Variants in UACA observed in about 807,000 individuals in gnomAD.
UACA encodes the protein uveal autoantigen with coiled-coil domains and ankyrin repeats, also known as nuclear membrane binding protein.
In UACA, 112 loss-of-function variants were observed where a neutral mutation model predicts 160.5. The ratio of observed to expected loss-of-function variants is 0.70; its 90% CI spans 0.60 to 0.82. The LOEUF (loss-of-function observed/expected upper bound fraction) is 0.82, where lower values mean the gene tolerates loss of function less well. Ranked by LOEUF, UACA falls within the 40% of genes least tolerant of loss-of-function variation. The pLI is 0.00. For synonymous variants in UACA, 557 were observed against 568.4 expected, an observed-to-expected ratio of 0.98 and a Z score of 0.29; for missense variants, 1,574 against 1,614.6, an observed-to-expected ratio of 0.97 and a Z score of 0.43.
intron 1 of UACA, among the ~76,000 whole-genome samples, chr15:70,710,224 C>CA (rs1898642155): frequency 6.6e-6 from 1 of 152,062 alleles, no homozygotes; most frequent in South Asian, 2.1e-4. Context: ...CACTATATTC[C>CA]AGCCTGTCTG....
intron 11 of UACA, among the ~76,000 whole-genome samples, 164 bp from the exon 12 acceptor site, chr15:70,677,304 ATTC>A (rs1897329770): frequency 6.6e-6 from 1 of 152,216 alleles, no homozygotes; most frequent in South Asian, 2.1e-4. Context: ...GTTGTCATTC[ATTC>A]TTCTCACTAT....
rs985143527 is a variant in UACA at position 70,761,262 on chromosome 15, G to A, written c.78+2068C>T. On this transcript the variant is annotated intron_variant, in intron 1 of 18. Transcript: ENST00000322954. ...AGCAACTGTATCATCAGTGGCCTCAGGAAGTGGGGGCAGGGTGGCTGAAGC... is the reference window on the plus strand; with the variant it reads ...AGCAACTGTATCATCAGTGGCCTCAAGAAGTGGGGGCAGGGTGGCTGAAGC... Among the ~76,000 whole-genome samples the A allele has an allele frequency of 1.2e-4, 18 of 152,202 alleles. No homozygotes were observed. The South Asian group carries it at 1.5e-3, about 12-fold the overall frequency.
chr15:70,679,800 A>G, intron 9 of UACA, 124 bp from the exon 10 acceptor site: 1 of 522,644 alleles, frequency 1.9e-6, no homozygotes, highest in Non-Finnish European at 3.4e-6. Flanking sequence ...TGCACATAAC[A>G]CAAGGTGGCA....
rs1239611021 is a variant in UACA at position 70,656,544 on chromosome 15, CA to C, written c.*511del. 2 of 151,940 alleles carry C rather than the reference CA, an allele frequency of 1.3e-5. No individual in the cohort carries two copies. Among genetic ancestry groups the C allele is most frequent in the African/African-American group, 2.4e-5 (1 of 41,352 alleles). The allele number at this position is 151,940 out of a possible 1,614,324, so 9.4% of individuals were successfully genotyped here. On this transcript the variant is annotated 3_prime_UTR_variant, in exon 19 of 19. Transcript: ENST00000322954. ...AAATATCTATACCTACAAAAAAGGC[CA>C]AAGACACTAATGAAGTTACCTCAGT...
the UACA span, among the ~76,000 whole-genome samples, chr15:70,773,197 C>G: frequency 6.6e-6 from 1 of 152,130 alleles, no homozygotes; most frequent in Non-Finnish European, 1.5e-5. Flanking sequence ...ATCAACCCTA[C>G]CAAATACCAC....
chr15:70,746,408 G>C lies in UACA; in HGVS notation c.78+16922C>G, dbSNP rs148043317. ...AAAAGCTCATCATCACTGGTCATTA[G>C]AGAAATGCAAATCAAAACCACAATG... is the stretch of plus-strand genomic sequence containing the variant. On this transcript the variant is annotated intron_variant, in intron 1 of 18. Coordinates refer to ENST00000322954, the MANE Select transcript of UACA (RefSeq NM_018003.4). 4.6e-5 allele frequency among the ~76,000 whole-genome samples: 7 copies of C among 152,274 alleles called. 1 individual carries two copies. In the South Asian group the frequency reaches 8.3e-4, roughly 18 times the overall value.
chr15:70,778,195 G>A, the UACA span, among the ~76,000 whole-genome samples: 1 of 146,244 alleles, frequency 6.8e-6, no homozygotes, highest in Non-Finnish European at 1.5e-5. Flanking sequence ...AATGAGACCT[G>A]GTCTCAAAAA....
chr15:70,729,005 A>G (rs929191011), intron 1 of UACA, among the ~76,000 whole-genome samples: 4 of 152,228 alleles, frequency 2.6e-5, no homozygotes, highest in Non-Finnish European at 5.9e-5. Context: ...CACACCAATC[A>G]GAATGGCTAT....
In UACA at chr15:70,656,506, G is replaced by A. The variant is rs1419730587; in HGVS notation, c.*550C>T. On this transcript the variant is annotated 3_prime_UTR_variant, in exon 19 of 19. Transcript: ENST00000322954. ...ATTTTAAAAGGCATAAAAGTTATTA[G>A]TGTAAAAAGAAAAAATATCTATACC... 1 of 152,086 alleles carries A rather than the reference G, an allele frequency of 6.6e-6. No individual in the cohort carries two copies. The highest frequency in any genetic ancestry group is 6.5e-5 in the Admixed American group (1 of 15,276). The allele number at this position is 152,086 out of a possible 1,614,324, so 9.4% of individuals were successfully genotyped here. A position where few individuals can be genotyped will look rare whatever the true frequency, so the allele number is the denominator to read the frequency against.
intron 1 of UACA, among the ~76,000 whole-genome samples, chr15:70,700,445 C>T (rs1447363016): frequency 6.6e-6 from 1 of 151,624 alleles, no homozygotes; most frequent in African/African-American, 2.4e-5. Flanking sequence ...AACTGCTTAA[C>T]ATCTAAAAAT....
chr15:70,701,996 T>A, intron 1 of UACA: 2 of 1,586,966 alleles, frequency 1.3e-6, no homozygotes, highest in Non-Finnish European at 1.7e-6. Flanking sequence ...CAAAGCAAAC[T>A]CTCAGACAAA....
the UACA span, among the ~76,000 whole-genome samples, chr15:70,772,492 CAAAAAAAAAAAA>C: frequency 2.0e-5 from 1 of 49,520 alleles, no homozygotes; most frequent in Non-Finnish European, 4.6e-5. Flanking sequence ...GCCTCCATCT[CAAAAAAAAAAAA>C]AAAAAAAAAA....
At chr15:70,764,622 G>A (rs1012181547), upstream of UACA, among the ~76,000 whole-genome samples, 3 of 152,162 alleles carry the variant, frequency 2.0e-5, no homozygotes, top group South Asian at 2.1e-4. Flanking sequence ...TTATAGTAAC[G>A]CAAGGTTTTC....
rs145181413 is a variant in UACA at position 70,682,972 on chromosome 15, C to T, written c.785-177G>A. On this transcript the variant is annotated intron_variant, in intron 8 of 18. Transcript: ENST00000322954. ...TATGCTTGAAACAATAATGACATCTCACTTTTGCCTATCAAATTAGCAAAA... is the reference window on the plus strand; with the variant it reads ...TATGCTTGAAACAATAATGACATCTTACTTTTGCCTATCAAATTAGCAAAA... Among the ~76,000 whole-genome samples, 341 of 152,258 alleles carry T rather than the reference C, an allele frequency of 2.2e-3. 3 individuals are homozygous for T. The highest frequency in any genetic ancestry group is 8.1e-3 in the African/African-American group (336 of 41,546).
intron 17 of UACA, 93 bp from the exon 18 acceptor site, chr15:70,660,309 T>C: frequency 9.3e-7 from 1 of 1,074,016 alleles, no homozygotes; most frequent in African/African-American, 1.6e-5. Context: ...AAAACTATTA[T>C]TATTATTAAG....
At chr15:70,687,475 T>G in intron 7 of UACA, 65 bp downstream of exon 7, 1 of 1,488,250 alleles carries the variant, frequency 6.7e-7, no homozygotes. Flanking sequence ...GAGCTGCTGC[T>G]TTGACTTGGC....
Position 70,666,970 on chromosome 15 carries a change from T to A in UACA, c.3714A>T (p.Thr1238=). 1 of 1,612,652 alleles carries A rather than the reference T, an allele frequency of 6.2e-7. No homozygotes were observed. The highest frequency in any genetic ancestry group is 1.1e-5 in the South Asian group (1 of 90,590). The change falls in exon 16 of 19, where the codon ACA becomes ACT. Residue 1238 remains threonine, a synonymous_variant. Transcript: ENST00000322954. ...ATTTTTCATTTAAGCTAGAAATCTG[T>A]GTCTCCAAATCACTTTTTGTTGCTT... ...KYKATKSDLE[T]QISSLNEKLA... is the part of the protein sequence containing the mutation.
At chr15:70,702,675 C>T (rs189938340) in intron 1 of UACA, among the ~76,000 whole-genome samples, 15 of 152,250 alleles carry the variant, frequency 9.9e-5, no homozygotes, top group Admixed American at 5.9e-4. Context: ...TTTAAGCAAA[C>T]GTGTCACATT....
intron 5 of UACA, 146 bp downstream of exon 5, chr15:70,690,308 T>A (rs1897885129): frequency 1.3e-6 from 1 of 776,064 alleles, no homozygotes; most frequent in East Asian, 2.7e-5. Flanking sequence ...TATAATCTAA[T>A]AAATCTCTAA....
Sources: gnomAD v4.1 joint callset for allele counts (sites outside exome capture counted in the v4.1 genomes callset) on GRCh38, gnomAD v4.1.1 for gene constraint, MANE v1.5 for transcripts, NCBI Gene and HGNC (gene_info 2026-07-23, HGNC 2026-07-21) for gene names.